The following WWOX variants were observed in gnomAD, a reference collection of about 807,000 sequenced individuals.
WWOX encodes the protein WW domain containing oxidoreductase, also known as WW domain-containing oxidoreductase.
A neutral mutation model predicts 46.2 loss-of-function variants in WWOX; 69 were observed. The observed-to-expected ratio is 1.49, with a 90% CI of 1.23 to 1.82. The LOEUF (loss-of-function observed/expected upper bound fraction) is 1.82. Ranked by LOEUF, WWOX falls within the 40% of genes most tolerant of loss-of-function variation. The probability of loss-of-function intolerance (pLI) is 0.00; values close to 1 mark genes in which losing one functional copy is unlikely to be tolerated. For synonymous variants in WWOX, 359 were observed against 202.6 expected, an observed-to-expected ratio of 1.77 and a Z score of -6.56; for missense variants, 919 against 542.6, an observed-to-expected ratio of 1.69 and a Z score of -6.89.
chr16:79,079,128 G>C (rs1013773119), intron 8 of WWOX, among the ~76,000 whole-genome samples: 11 of 152,190 alleles, frequency 7.2e-5, no homozygotes, highest in Admixed American at 5.9e-4. Flanking sequence ...GCTGTACCTA[G>C]TTGCAATGCT....
chr16:78,713,211 C>G (rs1037481848), intron 8 of WWOX, among the ~76,000 whole-genome samples: 9 of 135,166 alleles, frequency 6.7e-5, no homozygotes, highest in African/African-American at 2.3e-4. Context: ...GAGGTGGAGG[C>G]TGCAGTGAGC....
chr16:78,398,395 G>C (rs985474830), intron 6 of WWOX, among the ~76,000 whole-genome samples: 2 of 152,180 alleles, frequency 1.3e-5, no homozygotes, highest in Admixed American at 6.5e-5. Context: ...CATCATGTCA[G>C]TTATGTAAGC....
At position 78,293,945 on chromosome 16, in the gene WWOX, C is replaced by G. The variant is rs187447616; in HGVS notation, c.517-92915C>G. ...TGAGCCGATGTCATATCACTGCACT[C>G]TAGCCTGGGCGACAGAGTGAGACTC... is the stretch of plus-strand genomic sequence containing the variant. On this transcript the variant is annotated intron_variant, in intron 5 of 8. Coordinates refer to ENST00000566780, the MANE Select transcript of WWOX (RefSeq NM_016373.4). Among the ~76,000 whole-genome samples the G allele has an allele frequency of 6.8e-3, 815 of 119,718 alleles. 6 individuals carry two copies. The highest frequency in any genetic ancestry group is 9.6e-3 in the Non-Finnish European group (598 of 62,442). The allele number at this position is 119,718 out of a possible 152,430, so 78.5% of individuals were successfully genotyped here.
intron 8 of WWOX, among the ~76,000 whole-genome samples, chr16:78,985,106 C>T (rs376452925): frequency 2.6e-5 from 4 of 152,162 alleles, no homozygotes; most frequent in Admixed American, 6.5e-5. Context: ...TAACTGTTTC[C>T]GAACGGATCA....
At chr16:78,409,958 T>C (rs749501254) in intron 6 of WWOX, among the ~76,000 whole-genome samples, 7 of 152,174 alleles carry the variant, frequency 4.6e-5, no homozygotes, top group Non-Finnish European at 8.8e-5. Flanking sequence ...GTTTGCATGT[T>C]TTTCTCCTGC....
At chr16:78,631,206 A>G (rs1204091845) in intron 8 of WWOX, among the ~76,000 whole-genome samples, 2 of 152,198 alleles carry the variant, frequency 1.3e-5, no homozygotes, top group African/African-American at 2.4e-5. Flanking sequence ...CTGAGGGACA[A>G]CTGTACAAAT....
chr16:78,658,363 C>T (rs893180232), intron 8 of WWOX, among the ~76,000 whole-genome samples: 41 of 152,218 alleles, frequency 2.7e-4, no homozygotes, highest in African/African-American at 9.6e-4. Flanking sequence ...CTGCTCTAAA[C>T]ACTTGCCATG....
Position 78,099,884 on chromosome 16 carries a change from A to T in WWOX, c.106A>T (p.Asn36Tyr). Residue 36 changes from asparagine to tyrosine, a missense_variant and splice_region_variant, in exon 1 of 9, where the codon AAT becomes TAT. Coordinates refer to ENST00000566780, the MANE Select transcript of WWOX (RefSeq NM_016373.4). Reference protein sequence around the residue: ...TTKDGWVYYANHTEEKTQWEH... With the variant: ...TTKDGWVYYAYHTEEKTQWEH... ...CAAGGACGGCTGGGTTTACTACGCC[A>T]AGTAAGGGGGCCGCAGTGGGGCCGC... The T allele has an allele frequency of 1.3e-6, 2 of 1,562,788 alleles. No homozygotes were observed. Among genetic ancestry groups the T allele is most frequent in the Non-Finnish European group, 1.7e-6 (2 of 1,154,584 alleles).
intron 8 of WWOX, among the ~76,000 whole-genome samples, chr16:78,717,183 C>G (rs146532603): frequency 6.6e-6 from 1 of 152,174 alleles, no homozygotes; most frequent in African/African-American, 2.4e-5. Context: ...AGTGGTTGAC[C>G]TAGACTATAC....
chr16:78,321,414 ATGTG>A (rs1261949056), intron 5 of WWOX, among the ~76,000 whole-genome samples: 8 of 134,184 alleles, frequency 6.0e-5, no homozygotes, highest in Non-Finnish European at 1.1e-4. Context: ...GTATATATAT[ATGTG>A]TGTATATATA....
At chr16:78,579,094 T>C (rs984152710) in intron 8 of WWOX, among the ~76,000 whole-genome samples, 84 of 152,220 alleles carry the variant, frequency 5.5e-4, no homozygotes, top group African/African-American at 2.0e-3. Context: ...TCATGTTTGG[T>C]CTCTCGTCTT....
At chr16:78,675,821 T>C (rs1245930617) in intron 8 of WWOX, among the ~76,000 whole-genome samples, 7 of 152,072 alleles carry the variant, frequency 4.6e-5, no homozygotes, top group African/African-American at 1.7e-4. Flanking sequence ...TAAAAAATTA[T>C]TAAAAGAAAA....
intron 5 of WWOX, among the ~76,000 whole-genome samples, chr16:78,339,416 T>G (rs1415588035): frequency 8.5e-6 from 1 of 117,658 alleles, no homozygotes; most frequent in African/African-American, 2.9e-5. Flanking sequence ...TTCTGCAGTT[T>G]GGGGTTGTTG....
chr16:78,507,374 A>G (rs962270845), intron 8 of WWOX, among the ~76,000 whole-genome samples: 6 of 152,164 alleles, frequency 3.9e-5, no homozygotes, highest in African/African-American at 1.4e-4. Context: ...ATAAAAAGTC[A>G]AAAGGAAACA....
rs5818153 is a variant in WWOX, at chr16:78,555,585, C to CTTT, written c.1056+122847_1056+122849dup. On this transcript the variant is annotated intron_variant, in intron 8 of 8. Coordinates refer to ENST00000566780, the MANE Select transcript of WWOX (RefSeq NM_016373.4). ...CACATTCCCCACTAAAGGAGTGCCA[C>CTTT]TTTTTTTTTTTTTTTTACTACTTGC... is the stretch of plus-strand genomic sequence containing the variant. Among the ~76,000 whole-genome samples the CTTT allele has an allele frequency of 4.5e-4, 64 of 140,994 alleles. 1 individual carries two copies. Among genetic ancestry groups the CTTT allele is most frequent in the Admixed American group, 2.1e-3 (29 of 14,064 alleles). 92.5% of individuals were successfully genotyped at this position (140,994 alleles called of 152,430 possible). A position where few individuals can be genotyped will look rare whatever the true frequency, so the allele number is the denominator to read the frequency against.
chr16:78,812,418 AC>A (rs573705093), intron 8 of WWOX, among the ~76,000 whole-genome samples: 2 of 152,178 alleles, frequency 1.3e-5, no homozygotes, highest in South Asian at 4.2e-4. Context: ...GTTAAAAAAA[AC>A]CCAAAAACAG....
At chr16:78,967,356 C>T (rs565704906) in intron 8 of WWOX, among the ~76,000 whole-genome samples, 17 of 128,616 alleles carry the variant, frequency 1.3e-4, no homozygotes, top group Non-Finnish European at 2.2e-4. Flanking sequence ...GTGGCATGAT[C>T]ATGGCTCACT....
chr16:78,905,407 C>G (rs1469674062), intron 8 of WWOX, among the ~76,000 whole-genome samples: 1 of 152,104 alleles, frequency 6.6e-6, no homozygotes, highest in Admixed American at 6.6e-5. Flanking sequence ...TTTGGACAGG[C>G]TTTCACTCTG....
At chr16:78,631,752 C>T (rs754406150) in intron 8 of WWOX, among the ~76,000 whole-genome samples, 4 of 152,124 alleles carry the variant, frequency 2.6e-5, no homozygotes, top group Non-Finnish European at 5.9e-5. Flanking sequence ...TCTCTAACTC[C>T]TGGGCTCAAG....
Sources: allele counts gnomAD v4.1 joint callset (sites outside exome capture counted in the v4.1 genomes callset), GRCh38; gene constraint gnomAD v4.1.1; transcripts MANE v1.5; gene names NCBI Gene and HGNC (gene_info 2026-07-23, HGNC 2026-07-21).